Variants in HMGA1 observed in about 807,000 individuals in gnomAD.
HMGA1 encodes the protein high mobility group protein HMG-I/HMG-Y.
HMGA1 carries 1 observed loss-of-function variant against 15.1 expected under a neutral mutation model. The observed-to-expected ratio is 0.07, with a 90% CI of 0.02 to 0.31. HMGA1 has a LOEUF of 0.31. HMGA1 is among the 10% of genes least tolerant of loss of function. The pLI is 1.00. For missense variants in HMGA1, 94 were observed against 141.4 expected (o/e 0.66, Z 1.70); for synonymous variants, 56 against 54.8 (o/e 1.02, Z -0.10).
intron 3 of HMGA1, among the ~76,000 whole-genome samples, chr6:34,241,380 C>T (rs919805586): frequency 2.0e-5 from 3 of 152,216 alleles, no homozygotes; most frequent in Admixed American, 2.0e-4. Flanking sequence ...TACTTATGGT[C>T]GATTCTTGTA....
chr6:34,242,341 T>G (rs1762377280), intron 3 of HMGA1, among the ~76,000 whole-genome samples: 2 of 152,178 alleles, frequency 1.3e-5, no homozygotes, highest in Admixed American at 1.3e-4. Context: ...AAGGGAAGTC[T>G]TCACCATTTA....
At chr6:34,237,692 C>CCCGAGA (rs1561868034) in intron 2 of HMGA1, among the ~76,000 whole-genome samples, 1 of 150,464 alleles carries the variant, frequency 6.6e-6, no homozygotes, top group Non-Finnish European at 1.5e-5. Flanking sequence ...GGAGCCGGAG[C>CCCGAGA]CCGAGCCCGA....
rs190110436 is a variant in HMGA1, at chr6:34,240,450, C to T, written c.-44-287C>T. Among the ~76,000 whole-genome samples the T allele has an allele frequency of 2.7e-3, 408 of 152,222 alleles. 1 individual carries two copies. The highest frequency in any genetic ancestry group is 9.2e-3 in the African/African-American group (381 of 41,532). On this transcript the variant is annotated intron_variant, in intron 2 of 5. Transcript: ENST00000311487. ...TGTAGCTAGGTCTGGGCTGGCTGTA[C>T]CTCCTGGGACCCCCCCCACCACGCT... is the stretch of plus-strand genomic sequence containing the variant.
intron 4 of HMGA1, 45 bp from the exon 5 acceptor site, chr6:34,243,423 T>C: frequency 6.7e-7 from 1 of 1,493,950 alleles, no homozygotes; most frequent in South Asian, 1.1e-5. Flanking sequence ...GGGTGAGCAC[T>C]GATGAGCATT....
Position 34,244,888 on chromosome 6 carries a change from A to C in HMGA1, c.*4A>C, listed in dbSNP as rs773643332. On this transcript the variant is annotated 3_prime_UTR_variant, in exon 6 of 6. Coordinates refer to ENST00000311487, the MANE Select transcript of HMGA1 (RefSeq NM_145899.3). The stretch of plus-strand genomic sequence containing the variant: ...GTCCTCGGAGGAGGAGCAGTGACCC[A>C]TGCGTGCCGCCTGCTCCTCACTGGA... 5 of 1,557,224 alleles carry C rather than the reference A, an allele frequency of 3.2e-6. No homozygotes were observed. In the South Asian group the frequency reaches 3.5e-5, roughly 11 times the overall value.
intron 4 of HMGA1, among the ~76,000 whole-genome samples, 162 bp downstream of exon 4, chr6:34,242,957 G>T (rs1189262520): frequency 6.6e-6 from 1 of 152,124 alleles, no homozygotes; most frequent in African/African-American, 2.4e-5. Flanking sequence ...TTGCTAACTG[G>T]GGAGAGTGGG....
intron 3 of HMGA1, among the ~76,000 whole-genome samples, chr6:34,242,039 C>G (rs1458530459): frequency 6.6e-6 from 1 of 152,120 alleles, no homozygotes; most frequent in Non-Finnish European, 1.5e-5. Context: ...AGACCATGGG[C>G]GGCCCCCTAG....
intron 5 of HMGA1, 31 bp downstream of exon 5, chr6:34,243,549 C>T (rs1193367176): frequency 6.6e-7 from 1 of 1,510,014 alleles, no homozygotes; most frequent in African/African-American, 1.7e-5. Flanking sequence ...CTGCTTGCCT[C>T]CTGGGCTCTT....
intron 2 of HMGA1, among the ~76,000 whole-genome samples, chr6:34,240,167 CT>C (rs1426841781): frequency 6.6e-6 from 1 of 152,188 alleles, no homozygotes; most frequent in Non-Finnish European, 1.5e-5. Context: ...GGCACCACCC[CT>C]GGCTGTGTGA....
chr6:34,239,089 C>A (rs1473928039), intron 2 of HMGA1: 1 of 152,138 alleles, frequency 6.6e-6, no homozygotes, highest in Admixed American at 6.5e-5. Context: ...GGATAAATCA[C>A]CAACCACCTT....
In HMGA1 at chr6:34,242,756, A is replaced by G. The variant is rs1245541294; in HGVS notation, c.180A>G (p.Arg60=). The change falls in exon 4 of 6, where the codon CGA becomes CGG. Residue 60 remains arginine (R), a synonymous_variant. Coordinates refer to ENST00000311487, the MANE Select transcript of HMGA1 (RefSeq NM_145899.3). The part of the protein sequence containing the change: ...EVPTPKRPRG[R]PKGSKNKGAA... ...CAACACCTAAGAGACCTCGGGGCCG[A>G]CCAAAGGGAAGCAAAAACAAGGGTG... The G allele has an allele frequency of 6.3e-7, 1 of 1,593,704 alleles. No individual in the cohort carries two copies. The highest frequency in any genetic ancestry group is 8.6e-7 in the Non-Finnish European group (1 of 1,168,652).
intron 2 of HMGA1, among the ~76,000 whole-genome samples, chr6:34,240,467 C>T (rs751622699): frequency 2.0e-5 from 3 of 152,134 alleles, no homozygotes; most frequent in Admixed American, 6.5e-5. Context: ...GGACCCCCCC[C>T]ACCACGCTGC....
chr6:34,246,143 A>G lies in HMGA1; in HGVS notation c.*1259A>G, dbSNP rs1762730863. On this transcript the variant is annotated 3_prime_UTR_variant, in exon 6 of 6. Transcript: ENST00000311487. ...ACCTCCTCCCCCTGTTCTGTTGGGG[A>G]GGGGTAGCCATGATTTGTCCCAGCC... 4.1e-6 allele frequency: 1 copy of G among 242,436 alleles called. No homozygotes were observed. Among genetic ancestry groups the G allele is most frequent in the East Asian group, 6.3e-5 (1 of 15,942 alleles). 15.0% of individuals were successfully genotyped at this position (242,436 alleles called of 1,614,324 possible).
At chr6:34,239,981 T>A (rs975149982) in intron 2 of HMGA1, among the ~76,000 whole-genome samples, 1 of 152,106 alleles carries the variant, frequency 6.6e-6, no homozygotes, top group African/African-American at 2.4e-5. Flanking sequence ...CCCATCTGAC[T>A]CCAGTTGGGC....
chr6:34,240,953 T>A, intron 3 of HMGA1, 38 bp downstream of exon 3: 1 of 1,612,636 alleles, frequency 6.2e-7, no homozygotes, highest in Non-Finnish European at 8.5e-7. Flanking sequence ...GGTTTACCCT[T>A]TGGGGCTAGG....
chr6:34,237,670 G>A (rs190509307), intron 2 of HMGA1, among the ~76,000 whole-genome samples: 1,687 of 125,900 alleles, frequency 0.013, 32 homozygotes, highest in African/African-American at 0.043. Context: ...TCGCGCGGCG[G>A]CCGCTCCCGC....
At chr6:34,243,395 C>T (rs1215341797) in intron 4 of HMGA1, 73 bp from the exon 5 acceptor site, 1 of 1,174,536 alleles carries the variant, frequency 8.5e-7, no homozygotes, top group African/African-American at 1.5e-5. Flanking sequence ...GGTCTGCCCC[C>T]CATCACTATT....
chr6:34,242,396 A>G (rs1230560420), intron 3 of HMGA1, among the ~76,000 whole-genome samples: 1 of 152,222 alleles, frequency 6.6e-6, no homozygotes, highest in Admixed American at 6.5e-5. Context: ...CCCACCCAAG[A>G]TAAGTGTCAG....
intron 2 of HMGA1, among the ~76,000 whole-genome samples, chr6:34,237,956 G>A (rs1350865016): frequency 1.3e-5 from 2 of 152,144 alleles, no homozygotes; most frequent in African/African-American, 4.8e-5. Context: ...AGCCCCAGGG[G>A]CCGGGCCTGC....
Sources: gnomAD v4.1 joint callset for allele counts (sites outside exome capture counted in the v4.1 genomes callset) on GRCh38, gnomAD v4.1.1 for gene constraint, MANE v1.5 for transcripts, NCBI Gene and HGNC (gene_info 2026-07-23, HGNC 2026-07-21) for gene names.